The following SCFD1 variants were observed in gnomAD, a reference collection of about 807,000 sequenced individuals.
The protein encoded by SCFD1 is sec1 family domain containing 1, also known as sec1 family domain-containing protein 1.
Under a neutral mutation model 103.2 loss-of-function variants are expected in SCFD1, and 37 were observed. The observed-to-expected ratio is 0.36, with a 90% CI of 0.28 to 0.47. The LOEUF is 0.47. Among genes scored for constraint, SCFD1 ranks in the 20% least tolerant of loss-of-function variants. SCFD1 has a pLI of 1.00. For synonymous variants in SCFD1, 264 were observed against 245.0 expected, an observed-to-expected ratio of 1.08 and a Z score of -0.73; for missense variants, 639 against 761.2, an observed-to-expected ratio of 0.84 and a Z score of 1.89.
At chr14:30,658,649 T>C (rs900164300) in intron 10 of SCFD1, among the ~76,000 whole-genome samples, 1 of 152,162 alleles carries the variant, frequency 6.6e-6, no homozygotes, top group African/African-American at 2.4e-5. Context: ...TGCCTCAGCC[T>C]CCCAAAGTGC....
chr14:30,667,196 G>A (rs1301843235), intron 10 of SCFD1, among the ~76,000 whole-genome samples: 2 of 152,118 alleles, frequency 1.3e-5, no homozygotes, highest in South Asian at 2.1e-4. Context: ...ACATCAAAAA[G>A]CTTATCCACC....
intron 11 of SCFD1, among the ~76,000 whole-genome samples, chr14:30,670,728 G>T (rs554522638): frequency 2.5e-3 from 377 of 151,992 alleles, no homozygotes; most frequent in African/African-American, 6.2e-3. Flanking sequence ...TGTGATTTTG[G>T]GGGTGATTTT....
chr14:30,673,260 A>T lies in SCFD1; in HGVS notation c.999A>T (p.Pro333=). The change falls in exon 12 of 25, where the codon CCA becomes CCT. Residue 333 remains proline, a synonymous_variant. Coordinates refer to ENST00000458591, the MANE Select transcript of SCFD1 (RefSeq NM_016106.4). ...TTCTTGTGCAATACTGTTTTAGTCCATTCCCAGAAGTTGCAGAATCAGTTC... is the reference window on the plus strand; with the variant it reads ...TTCTTGTGCAATACTGTTTTAGTCCTTTCCCAGAAGTTGCAGAATCAGTTC... The part of the protein sequence containing the change: ...DKFWQKHKGS[P]FPEVAESVQQ... 1 of 1,581,192 alleles carries T rather than the reference A, an allele frequency of 6.3e-7. No homozygotes were observed. Among genetic ancestry groups the T allele is most frequent in the Non-Finnish European group, 8.6e-7 (1 of 1,158,362 alleles).
At position 30,639,883 on chromosome 14, in the gene SCFD1, G is replaced by A. The variant is rs1594580955; in HGVS notation, c.523+19G>A. ...TATCGTGGTATGTAAAAATAGAAATGTTGCAATTCTTTGTTAACAAAATGA... is the reference window on the plus strand; with the variant it reads ...TATCGTGGTATGTAAAAATAGAAATATTGCAATTCTTTGTTAACAAAATGA... On this transcript the variant is annotated intron_variant, in intron 6 of 24. Coordinates refer to ENST00000458591, the MANE Select transcript of SCFD1 (RefSeq NM_016106.4). 4 of 1,567,282 alleles carry A rather than the reference G, an allele frequency of 2.6e-6. No homozygotes were observed. In the East Asian group the frequency reaches 9.2e-5, roughly 36 times the overall value.
At chr14:30,629,070 C>T (rs1188436390) in intron 2 of SCFD1, among the ~76,000 whole-genome samples, 1 of 152,130 alleles carries the variant, frequency 6.6e-6, no homozygotes, top group Non-Finnish European at 1.5e-5. Flanking sequence ...TTCCTATTGC[C>T]TCTTGCATAA....
rs531708102 is a variant in SCFD1 at position 30,631,091 on chromosome 14, C to T, written c.221+526C>T. ...TAATAAAACCGGGCACGGTGGCTCA[C>T]GCCTGTAATCCCAGTACTTTGGGAG... On this transcript the variant is annotated intron_variant, in intron 3 of 24. Transcript: ENST00000458591. Among the ~76,000 whole-genome samples, 39 of 152,278 alleles carry T rather than the reference C, an allele frequency of 2.6e-4. 1 individual carries two copies. In the South Asian group the frequency reaches 7.0e-3, roughly 27 times the overall value.
In SCFD1 at chr14:30,705,675, G is replaced by T. The variant is rs1484136149; in HGVS notation, c.1491-148G>T. 8 of 590,832 alleles carry T rather than the reference G, an allele frequency of 1.4e-5. No individual in the cohort carries two copies. In the Admixed American group the frequency reaches 2.5e-4, roughly 18 times the overall value. 36.6% of individuals were successfully genotyped at this position (590,832 alleles called of 1,614,324 possible). A position where few individuals can be genotyped will look rare whatever the true frequency, so the allele number is the denominator to read the frequency against. On this transcript the variant is annotated intron_variant, in intron 17 of 24. Transcript: ENST00000458591. ...ATAATTCAGTGTTTTAGTACTAATT[G>T]TAGTGTACTTGTATTCGTTGAAAAA...
intron 19 of SCFD1, 89 bp from the exon 20 acceptor site, chr14:30,715,835 G>A (rs1447889742): frequency 1.6e-5 from 11 of 670,972 alleles, no homozygotes; most frequent in Non-Finnish European, 2.9e-5. Context: ...TGAAAGGTAA[G>A]CATACTTAAC....
At chr14:30,659,492 A>G (rs1434372526) in intron 10 of SCFD1, among the ~76,000 whole-genome samples, 1 of 152,178 alleles carries the variant, frequency 6.6e-6, no homozygotes, top group African/African-American at 2.4e-5. Flanking sequence ...CAAATTCTTT[A>G]CTACTTTTAG....
At chr14:30,707,449 T>C (rs1004548518) in intron 18 of SCFD1, among the ~76,000 whole-genome samples, 4 of 152,176 alleles carry the variant, frequency 2.6e-5, no homozygotes, top group Non-Finnish European at 4.4e-5. Flanking sequence ...TTTTTTATGA[T>C]AGATTTTATG....
chr14:30,655,785 A>G (rs1886842911), intron 10 of SCFD1, among the ~76,000 whole-genome samples: 3 of 152,160 alleles, frequency 2.0e-5, no homozygotes, highest in Admixed American at 1.3e-4. Context: ...TGGGATGGAA[A>G]AGGCAGTTTC....
At chr14:30,732,235 A>G (rs576213750) in intron 23 of SCFD1, among the ~76,000 whole-genome samples, 1 of 152,296 alleles carries the variant, frequency 6.6e-6, no homozygotes, top group South Asian at 2.1e-4. Flanking sequence ...GTTTCTATAT[A>G]CAAGATCATG....
intron 1 of SCFD1, among the ~76,000 whole-genome samples, chr14:30,625,834 G>A (rs888579131): frequency 1.3e-5 from 2 of 152,022 alleles, no homozygotes; most frequent in African/African-American, 4.8e-5. Flanking sequence ...CTGAGAAGGC[G>A]AATGTAGGAT....
chr14:30,690,817 G>T (rs149769073), intron 14 of SCFD1, among the ~76,000 whole-genome samples: 2,957 of 152,238 alleles, frequency 0.019, 53 homozygotes, highest in Middle Eastern at 0.034. Flanking sequence ...GTTCCTATTC[G>T]GCCATCTTGG....
In SCFD1 at chr14:30,715,986, C is replaced by G; in HGVS notation, c.1683+9C>G. 1 of 1,477,010 alleles carries G rather than the reference C, an allele frequency of 6.8e-7. No individual in the cohort carries two copies. The highest frequency in any genetic ancestry group is 9.4e-7 in the Non-Finnish European group (1 of 1,067,500). 91.5% of individuals were successfully genotyped at this position (1,477,010 alleles called of 1,614,324 possible). A position where few individuals can be genotyped will look rare whatever the true frequency, so the allele number is the denominator to read the frequency against. ...AGATGAAGTCAAACCCCGTGAGTAC[C>G]ATATAACATATTTTGTGTAAATTCC... On this transcript the variant is annotated intron_variant, in intron 20 of 24. Coordinates refer to ENST00000458591, the MANE Select transcript of SCFD1 (RefSeq NM_016106.4).
At chr14:30,662,956 T>C (rs1264021994) in intron 10 of SCFD1, among the ~76,000 whole-genome samples, 1 of 152,210 alleles carries the variant, frequency 6.6e-6, no homozygotes, top group Non-Finnish European at 1.5e-5. Flanking sequence ...TTAGACTCTA[T>C]CATGTTAAAA....
intron 9 of SCFD1, 115 bp from the exon 10 acceptor site, chr14:30,653,374 A>G (rs528789178): frequency 1.5e-5 from 10 of 672,838 alleles, no homozygotes; most frequent in African/African-American, 7.3e-5. Flanking sequence ...GGAATTGTCA[A>G]TATTAGCATA....
intron 15 of SCFD1, 31 bp downstream of exon 15, chr14:30,694,900 G>T: frequency 6.4e-7 from 1 of 1,564,514 alleles, no homozygotes; most frequent in Non-Finnish European, 8.6e-7. Context: ...GTTAATGTAA[G>T]TTTCATATCT....
chr14:30,643,884 G>T, intron 7 of SCFD1: 1 of 449,444 alleles, frequency 2.2e-6, no homozygotes, highest in Non-Finnish European at 4.5e-6. Flanking sequence ...TTTTAGGTTT[G>T]GGGGATACAT....
Sources: allele counts gnomAD v4.1 joint callset (sites outside exome capture counted in the v4.1 genomes callset), GRCh38; gene constraint gnomAD v4.1.1; transcripts MANE v1.5; gene names NCBI Gene and HGNC (gene_info 2026-07-23, HGNC 2026-07-21).